Variants in TRIM13 observed in about 807,000 individuals in gnomAD.
TRIM13 encodes tripartite motif containing 13.
Under a neutral mutation model 27.1 loss-of-function variants are expected in TRIM13, and 15 were observed. The ratio of observed to expected loss-of-function variants is 0.55; its 90% CI spans 0.37 to 0.85. The LOEUF (loss-of-function observed/expected upper bound fraction) is 0.85, where lower values mean the gene tolerates loss of function less well. Ranked by LOEUF, TRIM13 falls within the 40% of genes least tolerant of loss-of-function variation. The pLI is 0.00. For missense variants in TRIM13, 402 were observed against 472.2 expected (o/e 0.85, Z 1.38); for synonymous variants, 193 against 171.5 (o/e 1.13, Z -0.98).
rs1566446587 is a variant in TRIM13 at position 50,015,089 on chromosome 13, AAAAAAATATATAT to A, written c.*1927_*1939del. On this transcript the variant is annotated 3_prime_UTR_variant, in exon 2 of 2. Transcript: ENST00000378182. Reference sequence around the variant, plus strand: ...CCTCCCAGTAATAAAAAAAAAAAAAAAAAAAATATATATATATATATATATATATATATATATA... The same window carrying A: ...CCTCCCAGTAATAAAAAAAAAAAAAAATATATATATATATATATATATATA... 14 of 43,346 alleles carry A rather than the reference AAAAAAATATATAT, an allele frequency of 3.2e-4. No individual in the cohort carries two copies. The highest frequency in any genetic ancestry group is 1.6e-3 in the East Asian group (3 of 1,934). 2.7% of individuals were successfully genotyped at this position (43,346 alleles called of 1,614,324 possible). A position where few individuals can be genotyped will look rare whatever the true frequency, so the allele number is the denominator to read the frequency against.
chr13:50,015,502 T>G lies in TRIM13; in HGVS notation c.*2338T>G. ...TTTGAAGTGAGGGAAGAATGAGTAG[T>G]CAGGAACTGGTCACTTTGAATGTGG... On this transcript the variant is annotated 3_prime_UTR_variant, in exon 2 of 2. Transcript: ENST00000378182. 3 of 1,610,626 alleles carry G rather than the reference T, an allele frequency of 1.9e-6. No individual in the cohort carries two copies. The highest frequency in any genetic ancestry group is 1.7e-6 in the Non-Finnish European group (2 of 1,177,836).
Position 50,012,858 on chromosome 13 carries a change from C to A in TRIM13, c.918C>A (p.Phe306Leu). The change falls in exon 2 of 2, where the codon TTC becomes TTA. Residue 306 changes from phenylalanine to leucine, a missense_variant. Around this residue, in one of 2 missense-constraint regions of TRIM13, gnomAD observed 200 missense variants for 194.7 expected, o/e 1.03. Coordinates refer to ENST00000378182, the MANE Select transcript of TRIM13 (RefSeq NM_213590.3). ...KLSLPQDTGT[F>L]ISKIPWSFYK... ...CTTTGCCTCAAGACACTGGCACATTCATTAGCAAGATTCCCTGGAGCTTTT... is the reference window on the plus strand; with the variant it reads ...CTTTGCCTCAAGACACTGGCACATTAATTAGCAAGATTCCCTGGAGCTTTT... The A allele has an allele frequency of 6.2e-7, 1 of 1,614,098 alleles. No individual in the cohort carries two copies. Among genetic ancestry groups the A allele is most frequent in the African/African-American group, 1.3e-5 (1 of 75,038 alleles).
Position 50,014,984 on chromosome 13 carries a change from G to T in TRIM13, c.*1820G>T, listed in dbSNP as rs1876188078. ...ATGATTTAGCCACTAAATTTCTAAG[G>T]AGATCATAAGAAATTAAGAAAAACG... On this transcript the variant is annotated 3_prime_UTR_variant, in exon 2 of 2. Transcript: ENST00000378182. 6.1e-6 allele frequency: 1 copy of T among 164,758 alleles called. No individual in the cohort carries two copies. The highest frequency in any genetic ancestry group is 2.5e-5 in the African/African-American group (1 of 40,578). 10.2% of individuals were successfully genotyped at this position (164,758 alleles called of 1,614,324 possible). A position where few individuals can be genotyped will look rare whatever the true frequency, so the allele number is the denominator to read the frequency against.
At chr13:50,007,303 A>C (rs928435778) in intron 1 of TRIM13, among the ~76,000 whole-genome samples, 1 of 151,544 alleles carries the variant, frequency 6.6e-6, no homozygotes, top group Non-Finnish European at 1.5e-5. Context: ...AGCCTGTCCA[A>C]GATGGTGAAA....
Position 50,012,191 on chromosome 13 carries a change from A to C in TRIM13, c.251A>C (p.Lys84Thr). Residue 84 changes from lysine (K) to threonine (T), a missense_variant, in exon 2 of 2, where the codon AAG becomes ACG. Lys to Thr is a moderately conservative substitution (Grantham distance 78). Around this residue, in one of 2 missense-constraint regions of TRIM13, gnomAD observed 202 missense variants for 277.5 expected, o/e 0.73. Coordinates refer to ENST00000378182, the MANE Select transcript of TRIM13 (RefSeq NM_213590.3). Reference sequence around the variant, plus strand: ...AAGGGTATTGTGGAAAAGTATAACAAGATCAAGATCTCTCCCAAAATGCCA... The same window carrying C: ...AAGGGTATTGTGGAAAAGTATAACACGATCAAGATCTCTCCCAAAATGCCA... ...SLKGIVEKYN[K>T]IKISPKMPVC... 6.2e-7 allele frequency: 1 copy of C among 1,614,176 alleles called. No homozygotes were observed. The highest frequency in any genetic ancestry group is 1.7e-5 in the Admixed American group (1 of 60,010).
Position 50,015,680 on chromosome 13 carries a change from G to C in TRIM13, c.*2516G>C, listed in dbSNP as rs367947576. 8.7e-6 allele frequency: 14 copies of C among 1,614,004 alleles called. No homozygotes were observed. The highest frequency in any genetic ancestry group is 1.6e-4 in the Middle Eastern group (1 of 6,084). ...TGGTGATTTGTTTAGTTTCATCTTA[G>C]ATTTTTTGAGAACTCACCAGCTTTT... On this transcript the variant is annotated 3_prime_UTR_variant, in exon 2 of 2. Coordinates refer to ENST00000378182, the MANE Select transcript of TRIM13 (RefSeq NM_213590.3).
intron 1 of TRIM13, among the ~76,000 whole-genome samples, chr13:50,004,088 A>T (rs548864894): frequency 6.6e-6 from 1 of 152,306 alleles, no homozygotes; most frequent in South Asian, 2.1e-4. Flanking sequence ...TATGTGCTTA[A>T]TCTGACTTTA....
rs1385943545 is a variant in TRIM13 at position 50,012,185 on chromosome 13, A to G, written c.245A>G (p.Tyr82Cys). The change falls in exon 2 of 2, where the codon TAT (tyrosine) becomes TGT (cysteine). Residue 82 changes from tyrosine to cysteine, a missense_variant. Transcript: ENST00000378182. ...TCCCTGAAGGGTATTGTGGAAAAGT[A>G]TAACAAGATCAAGATCTCTCCCAAA... ...NYSLKGIVEK[Y>C]NKIKISPKMP... 4 of 1,614,192 alleles carry G rather than the reference A, an allele frequency of 2.5e-6. No individual in the cohort carries two copies. Among genetic ancestry groups the G allele is most frequent in the Non-Finnish European group, 3.4e-6 (4 of 1,180,020 alleles).
chr13:50,008,156 C>T (rs1875055836), intron 1 of TRIM13, among the ~76,000 whole-genome samples: 2 of 152,080 alleles, frequency 1.3e-5, no homozygotes, highest in Admixed American at 6.5e-5. Context: ...CCGCCTGCCT[C>T]GGCCTCCCAA....
intron 1 of TRIM13, among the ~76,000 whole-genome samples, chr13:50,002,690 TCTCA>T (rs1874196020): frequency 6.6e-6 from 1 of 151,530 alleles, no homozygotes. Context: ...TGAGATGGAG[TCTCA>T]CTCTGTCATC....
chr13:49,998,058 T>C (rs945833999), intron 1 of TRIM13, among the ~76,000 whole-genome samples: 2 of 152,128 alleles, frequency 1.3e-5, no homozygotes, highest in Admixed American at 6.6e-5. Context: ...GCTTAGTGAA[T>C]TGTCAGGCTG....
At chr13:50,003,141 A>G (rs1238559075) in intron 1 of TRIM13, among the ~76,000 whole-genome samples, 2 of 152,172 alleles carry the variant, frequency 1.3e-5, no homozygotes, top group Non-Finnish European at 2.9e-5. Flanking sequence ...TCAAAGTAAC[A>G]TTTGTGGCTG....
chr13:50,008,889 T>C (rs35590518), intron 1 of TRIM13, among the ~76,000 whole-genome samples: 9,400 of 147,928 alleles, frequency 0.064, 379 homozygotes, highest in Non-Finnish European at 0.099. Flanking sequence ...ATTAGCTGAG[T>C]GTGATGGTGC....
rs1210801478 is a variant in TRIM13 at position 50,015,093 on chromosome 13, AAATATATATATATATATATATAT to A, written c.*1931_*1953del. 4 of 14,206 alleles carry A rather than the reference AAATATATATATATATATATATAT, an allele frequency of 2.8e-4. No individual in the cohort carries two copies. Among genetic ancestry groups the A allele is most frequent in the Admixed American group, 1.1e-3 (1 of 942 alleles). 0.9% of individuals were successfully genotyped at this position (14,206 alleles called of 1,614,324 possible). ...CCAGTAATAAAAAAAAAAAAAAAAA[AAATATATATATATATATATATAT>A]ATATATATATATATATATATATATA... On this transcript the variant is annotated 3_prime_UTR_variant, in exon 2 of 2. Transcript: ENST00000378182.
intron 1 of TRIM13, among the ~76,000 whole-genome samples, chr13:50,010,315 G>C (rs75401128): frequency 6.6e-6 from 1 of 152,136 alleles, no homozygotes. Context: ...CAGCCTTCCA[G>C]AGTGTTAGGA....
chr13:50,015,705 T>C lies in TRIM13; in HGVS notation c.*2541T>C. The C allele has an allele frequency of 6.2e-7, 1 of 1,614,134 alleles. No homozygotes were observed. The highest frequency in any genetic ancestry group is 8.5e-7 in the Non-Finnish European group (1 of 1,179,966). Reference sequence around the variant, plus strand: ...GATTTTTTGAGAACTCACCAGCTTTTATTACCCACTGAATTTTCAGACTAT... The same window carrying C: ...GATTTTTTGAGAACTCACCAGCTTTCATTACCCACTGAATTTTCAGACTAT... On this transcript the variant is annotated 3_prime_UTR_variant, in exon 2 of 2. Transcript: ENST00000378182.
intron 1 of TRIM13, among the ~76,000 whole-genome samples, chr13:50,002,658 C>CTT: frequency 1.3e-5 from 2 of 151,310 alleles, no homozygotes; most frequent in Non-Finnish European, 1.5e-5. Context: ...ATTAATGGAT[C>CTT]TCTCTTTTTT....
rs1876880816 is a variant in TRIM13, at chr13:50,018,344, T to C, written c.*5180T>C. ...CTTTTATGAGATGTTCTGTAACATTTTTCTCACTTTGACAAATGTTTTTAG... is the reference window on the plus strand; with the variant it reads ...CTTTTATGAGATGTTCTGTAACATTCTTCTCACTTTGACAAATGTTTTTAG... On this transcript the variant is annotated 3_prime_UTR_variant, in exon 2 of 2. Coordinates refer to ENST00000378182, the MANE Select transcript of TRIM13 (RefSeq NM_213590.3). 1 of 166,632 alleles carries C rather than the reference T, an allele frequency of 6.0e-6. No individual in the cohort carries two copies. The allele number at this position is 166,632 out of a possible 1,614,324, so 10.3% of individuals were successfully genotyped here.
At chr13:50,003,906 G>A (rs563835808) in intron 1 of TRIM13, among the ~76,000 whole-genome samples, 131 of 152,286 alleles carry the variant, frequency 8.6e-4, no homozygotes, top group African/African-American at 3.1e-3. Flanking sequence ...TCCGCAACTA[G>A]TGTCTACTAC....
Sources: allele counts gnomAD v4.1 joint callset (sites outside exome capture counted in the v4.1 genomes callset), GRCh38; gene constraint gnomAD v4.1.1; regional missense constraint gnomAD v4.1.1; transcripts MANE v1.5; gene names NCBI Gene and HGNC (gene_info 2026-07-23, HGNC 2026-07-21).